Variants in PAX3 observed in about 807,000 individuals in gnomAD.
PAX3 encodes the protein paired box protein Pax-3.
PAX3 carries 14 observed loss-of-function variants against 51.6 expected under a neutral mutation model. The observed-to-expected ratio is 0.27, with a 90% CI of 0.18 to 0.42. PAX3 has a LOEUF of 0.42. Among genes scored for constraint, PAX3 ranks in the 10% least tolerant of loss-of-function variants. The pLI is 1.00. For missense variants in PAX3, 540 were observed against 642.8 expected (o/e 0.84, Z 1.73); for synonymous variants, 280 against 253.4 (o/e 1.11, Z -1.00).
In PAX3 at chr2:222,250,129, G is replaced by A. The variant is rs45441394; in HGVS notation, c.587-17846C>T. Among the ~76,000 whole-genome samples, 1,011 of 152,242 alleles carry A rather than the reference G, an allele frequency of 6.6e-3. 10 individuals carry two copies. Among genetic ancestry groups the A allele is most frequent in the African/African-American group, 0.023 (962 of 41,540 alleles). On this transcript the variant is annotated intron_variant, in intron 4 of 8. Coordinates refer to ENST00000392070, the MANE Select transcript of PAX3 (RefSeq NM_181458.4). Reference sequence around the variant, plus strand: ...TCACAGGTAGGGGGATCTTATGAGCGTGATTGCACCCTTCCCATCACTCTG... The same window carrying A: ...TCACAGGTAGGGGGATCTTATGAGCATGATTGCACCCTTCCCATCACTCTG...
intron 4 of PAX3, among the ~76,000 whole-genome samples, chr2:222,233,478 T>C (rs1312120779): frequency 1.3e-5 from 2 of 152,148 alleles, no homozygotes; most frequent in East Asian, 3.8e-4. Context: ...CAGAATTTGA[T>C]GAGGGCAGGG....
At chr2:222,250,372 T>TA (rs1693381500) in intron 4 of PAX3, among the ~76,000 whole-genome samples, 1 of 152,108 alleles carries the variant, frequency 6.6e-6, no homozygotes, top group Admixed American at 6.5e-5. Context: ...AGCCAGCATG[T>TA]ATAATCTTTT....
At chr2:222,220,433 A>G (rs751880147) in intron 6 of PAX3, 79 bp from the exon 7 acceptor site, 13 of 1,343,328 alleles carry the variant, frequency 9.7e-6, no homozygotes, top group South Asian at 1.2e-5. Flanking sequence ...TTCATCAGCC[A>G]CCAGGCCATC....
intron 4 of PAX3, among the ~76,000 whole-genome samples, chr2:222,290,112 C>T (rs1285553495): frequency 6.6e-6 from 1 of 152,168 alleles, no homozygotes; most frequent in East Asian, 1.9e-4. Flanking sequence ...GGGAAAGAAA[C>T]GGCCCTTCGT....
At chr2:222,297,864 G>C (rs1695389161) in intron 1 of PAX3, among the ~76,000 whole-genome samples, 1 of 152,180 alleles carries the variant, frequency 6.6e-6, no homozygotes, top group Non-Finnish European at 1.5e-5. Flanking sequence ...GTGGGTGGCG[G>C]GGGCGATGAG....
In PAX3 at chr2:222,249,857, C is replaced by A. The variant is rs576994079; in HGVS notation, c.587-17574G>T. ...CCTAAATAACAGTAACGACAGCCCT[C>A]CCCTGATCCCCAAATAGCAGGAACA... On this transcript the variant is annotated intron_variant, in intron 4 of 8. Transcript: ENST00000392070. Among the ~76,000 whole-genome samples the A allele has an allele frequency of 3.9e-4, 60 of 152,234 alleles. 2 individuals carry two copies. In the South Asian group the frequency reaches 9.5e-3, roughly 24 times the overall value.
At chr2:222,242,942 A>T (rs974254499) in intron 4 of PAX3, among the ~76,000 whole-genome samples, 6 of 152,202 alleles carry the variant, frequency 3.9e-5, no homozygotes, top group African/African-American at 1.4e-4. Flanking sequence ...TTGTGTGCAT[A>T]TGTTGTTTAA....
intron 4 of PAX3, among the ~76,000 whole-genome samples, chr2:222,239,926 C>T (rs536986106): frequency 3.9e-5 from 6 of 152,054 alleles, no homozygotes; most frequent in South Asian, 2.1e-4. Context: ...AGCCATTTAC[C>T]TACTCTTGTT....
intron 4 of PAX3, among the ~76,000 whole-genome samples, chr2:222,285,997 G>A (rs12992626): frequency 0.2 from 30,040 of 152,190 alleles, 3,466 homozygotes; most frequent in South Asian, 0.39. Context: ...AAGTGCAGTA[G>A]CACGATCTCG....
At chr2:222,282,029 A>G (rs987257419) in intron 4 of PAX3, among the ~76,000 whole-genome samples, 1 of 152,228 alleles carries the variant, frequency 6.6e-6, no homozygotes, top group African/African-American at 2.4e-5. Flanking sequence ...TCAAGAAAGA[A>G]GACGTGTTTT....
intron 4 of PAX3, among the ~76,000 whole-genome samples, chr2:222,286,000 C>T (rs896886492): frequency 3.3e-5 from 5 of 152,224 alleles, no homozygotes; most frequent in East Asian, 3.8e-4. Flanking sequence ...TGCAGTAGCA[C>T]GATCTCGGCT....
chr2:222,228,931 ACT>A (rs1043260732), intron 5 of PAX3, among the ~76,000 whole-genome samples: 2 of 152,018 alleles, frequency 1.3e-5, no homozygotes, highest in Non-Finnish European at 2.9e-5. Flanking sequence ...ACAAAGTGAG[ACT>A]CTGTCTCAAA....
chr2:222,236,850 C>T (rs1322036304), intron 4 of PAX3, among the ~76,000 whole-genome samples: 1 of 152,138 alleles, frequency 6.6e-6, no homozygotes, highest in Non-Finnish European at 1.5e-5. Context: ...ATTAGAGATA[C>T]TCTTCCCAAA....
chr2:222,269,149 A>G (rs1215365329), intron 4 of PAX3, among the ~76,000 whole-genome samples: 1 of 152,052 alleles, frequency 6.6e-6, no homozygotes, highest in Non-Finnish European at 1.5e-5. Flanking sequence ...TTTTGTTGCT[A>G]TTTGCAGTTT....
intron 4 of PAX3, among the ~76,000 whole-genome samples, chr2:222,239,305 A>G (rs1156874151): frequency 6.8e-6 from 1 of 146,896 alleles, no homozygotes; most frequent in African/African-American, 2.5e-5. Context: ...GCTGGAGTGG[A>G]TGAGAAAGGG....
Position 222,201,357 on chromosome 2 carries a change from G to C in PAX3, c.*51C>G. The C allele has an allele frequency of 1.2e-6, 2 of 1,612,934 alleles. No homozygotes were observed. Among genetic ancestry groups the C allele is most frequent in the Non-Finnish European group, 8.5e-7 (1 of 1,179,920 alleles). ...TTCAGAGCAGATTCTTCATATCTAG[G>C]CTGCGAAGACCAGAAACAGGGCCAG... On this transcript the variant is annotated 3_prime_UTR_variant, in exon 9 of 9. Coordinates refer to ENST00000392070, the MANE Select transcript of PAX3 (RefSeq NM_181458.4).
intron 7 of PAX3, among the ~76,000 whole-genome samples, chr2:222,206,505 C>T (rs946120836): frequency 2.1e-4 from 32 of 151,956 alleles, no homozygotes; most frequent in African/African-American, 7.7e-4. Context: ...TCAAAGCTTC[C>T]GAATTTATGT....
chr2:222,220,164 G>A lies in PAX3; in HGVS notation c.1149C>T (p.Thr383=). 2 of 1,613,754 alleles carry A rather than the reference G, an allele frequency of 1.2e-6. No homozygotes were observed. The highest frequency in any genetic ancestry group is 1.7e-6 in the Non-Finnish European group (2 of 1,179,864). Reference sequence around the variant, plus strand: ...CCTGAGGTGAGAGGCCATTGCCAATGGTGGGGTTCATGGGGTTGGAGGGCC... The same window carrying A: ...CCTGAGGTGAGAGGCCATTGCCAATAGTGGGGTTCATGGGGTTGGAGGGCC... ...PSGPSNPMNP[T]IGNGLSPQVM... The change falls in exon 7 of 9, where the codon ACC becomes ACT. Residue 383 remains threonine, a synonymous_variant. Transcript: ENST00000392070.
At chr2:222,239,527 TG>T in intron 4 of PAX3, among the ~76,000 whole-genome samples, 1 of 151,340 alleles carries the variant, frequency 6.6e-6, no homozygotes, top group South Asian at 2.1e-4. Context: ...GATATGCAGG[TG>T]GAAAAAAAAC....
Sources: gnomAD v4.1 joint callset for allele counts (sites outside exome capture counted in the v4.1 genomes callset) on GRCh38, gnomAD v4.1.1 for gene constraint, MANE v1.5 for transcripts, NCBI Gene and HGNC (gene_info 2026-07-23, HGNC 2026-07-21) for gene names.